LAMB4: variants seen among roughly 807,000 people sequenced by gnomAD.
LAMB4 encodes the protein laminin subunit beta-4.
LAMB4 carries 196 observed loss-of-function variants against 199.2 expected under a neutral mutation model. The observed-to-expected ratio is 0.98, with a 90% CI of 0.88 to 1.11. The LOEUF (loss-of-function observed/expected upper bound fraction) is 1.11, where lower values mean the gene tolerates loss of function less well. Among genes scored for constraint, LAMB4 ranks in the 50% least tolerant of loss-of-function variants. The pLI is 0.00. For missense variants in LAMB4, 2,080 were observed against 2,171.2 expected, an observed-to-expected ratio of 0.96 and a Z score of 0.83; for synonymous variants, 744 against 770.6, an observed-to-expected ratio of 0.97 and a Z score of 0.57.
chr7:108,105,902 C>G lies in LAMB4; in HGVS notation c.785G>C (p.Arg262Pro). The G allele has an allele frequency of 6.2e-7, 1 of 1,614,188 alleles. No homozygotes were observed. Among genetic ancestry groups the G allele is most frequent in the South Asian group, 1.1e-5 (1 of 91,082 alleles). Residue 262 changes from arginine (R) to proline (P), a missense_variant, in exon 8 of 34, where the codon CGG (arginine) becomes CCG (proline). Physicochemically the swap from Arg to Pro is moderately radical, Grantham distance 103. Transcript: ENST00000388781. ...YYYALYEMIV[R>P]GSCFCNGHAS... ...ATGGCCATTGCAAAAGCAGCTTCCC[C>G]GAACAATCATCTCGTACAGAGCATA...
At position 108,034,336 on chromosome 7, in the gene LAMB4, TTGC is replaced by T. The variant is rs1563032624; in HGVS notation, c.4687_4689del (p.Ala1563del). 1 of 1,608,812 alleles carries T rather than the reference TTGC, an allele frequency of 6.2e-7. No homozygotes were observed. ...GTTTTGTCAAGATTTAATAGAATAT[TTGC>T]TGCTTTCCTAAGGTAAGATATTAAC... is the stretch of plus-strand genomic sequence containing the variant. On this transcript the variant is annotated inframe_deletion, in exon 31 of 34. Coordinates refer to ENST00000388781, the MANE Select transcript of LAMB4 (RefSeq NM_007356.3).
intron 6 of LAMB4, 27 bp from the exon 7 acceptor site, chr7:108,106,599 T>C (rs2038023444): frequency 1.6e-6 from 2 of 1,250,666 alleles, no homozygotes; most frequent in Non-Finnish European, 2.3e-6. Context: ...GATACATTTA[T>C]AGTATATTAC....
chr7:108,043,033 TTTA>T (rs1347252564), intron 29 of LAMB4, among the ~76,000 whole-genome samples: 2 of 151,668 alleles, frequency 1.3e-5, no homozygotes, highest in African/African-American at 4.9e-5. Context: ...ACTTGATTTT[TTTA>T]ATCTTTACTA....
intron 28 of LAMB4, among the ~76,000 whole-genome samples, chr7:108,045,585 T>A (rs962682767): frequency 6.6e-6 from 1 of 152,264 alleles, no homozygotes; most frequent in Non-Finnish European, 1.5e-5. Context: ...AATGATATGA[T>A]CAAGTGGCAA....
At chr7:108,057,749 T>C in intron 24 of LAMB4, 83 bp downstream of exon 24, 1 of 840,922 alleles carries the variant, frequency 1.2e-6, no homozygotes, top group Non-Finnish European at 2.0e-6. Context: ...AAAAAGAAAT[T>C]TAAAATTCAG....
chr7:108,100,598 G>A (rs1436187942), intron 10 of LAMB4, among the ~76,000 whole-genome samples: 1 of 152,054 alleles, frequency 6.6e-6, no homozygotes, highest in African/African-American at 2.4e-5. Context: ...AAGCACTATC[G>A]AGTTAATACT....
At chr7:108,027,230 G>A (rs1037119793) in intron 33 of LAMB4, among the ~76,000 whole-genome samples, 1 of 151,660 alleles carries the variant, frequency 6.6e-6, no homozygotes, top group Admixed American at 6.6e-5. Flanking sequence ...GCACGGAGGT[G>A]TTGAATGCAA....
At position 108,107,829 on chromosome 7, in the gene LAMB4, AT is replaced by A; in HGVS notation, c.403-11del. Reference sequence around the variant, plus strand: ...CAGCAGGCCGAAAAGTCTAGGAAAAATGAGTAAAAGTTGGCACATTTCACAA... The same window carrying A: ...CAGCAGGCCGAAAAGTCTAGGAAAAAGAGTAAAAGTTGGCACATTTCACAA... On this transcript the variant is annotated splice_polypyrimidine_tract_variant and intron_variant, in intron 5 of 33. Transcript: ENST00000388781. 6.4e-7 allele frequency: 1 copy of A among 1,569,264 alleles called. No individual in the cohort carries two copies. Among genetic ancestry groups the A allele is most frequent in the East Asian group, 2.3e-5 (1 of 43,500 alleles).
downstream of LAMB4, among the ~76,000 whole-genome samples, chr7:108,018,833 A>T (rs2034635326): frequency 6.6e-6 from 1 of 152,108 alleles, no homozygotes; most frequent in South Asian, 2.1e-4. Flanking sequence ...GGGATGCTGT[A>T]TTATCTTTTA....
intron 26 of LAMB4, among the ~76,000 whole-genome samples, chr7:108,051,742 G>A (rs891768319): frequency 3.3e-5 from 5 of 151,798 alleles, no homozygotes; most frequent in East Asian, 1.9e-4. Flanking sequence ...GGCCTATACC[G>A]AGAAAGGCAT....
At chr7:108,106,134 C>T (rs1357954904) in intron 7 of LAMB4, 103 bp from the exon 8 acceptor site, 10 of 938,928 alleles carry the variant, frequency 1.1e-5, no homozygotes, top group Non-Finnish European at 1.6e-5. Flanking sequence ...AAAGAGATTA[C>T]AGGCCCGGTG....
At chr7:108,014,717 T>C in the LAMB4 span, among the ~76,000 whole-genome samples, 1 of 138,994 alleles carries the variant, frequency 7.2e-6, no homozygotes, top group Non-Finnish European at 1.5e-5. Flanking sequence ...GAACTGGTTG[T>C]TGTTTTTTTT....
chr7:108,042,288 T>C (rs983430540), intron 29 of LAMB4, among the ~76,000 whole-genome samples: 1 of 152,132 alleles, frequency 6.6e-6, no homozygotes, highest in Non-Finnish European at 1.5e-5. Context: ...TTTATGCCTT[T>C]AGTTTTAATA....
At position 108,055,933 on chromosome 7, in the gene LAMB4, C is replaced by T. The variant is rs1346766138; in HGVS notation, c.3454G>A (p.Gly1152Ser). The stretch of plus-strand genomic sequence containing the variant: ...CGATCACATCTCTGGCCGCTGACAC[C>T]CTCCCGGCAGCGGCACATGCCTGTG... Reference protein sequence around the residue: ...PDTGMCRCREGVSGQRCDRCA... With the variant: ...PDTGMCRCRESVSGQRCDRCA... Residue 1152 changes from glycine (G) to serine (S), a missense_variant, in exon 25 of 34, where the codon GGT becomes AGT. Physicochemically the swap from Gly to Ser is moderately conservative, Grantham distance 56. Coordinates refer to ENST00000388781, the MANE Select transcript of LAMB4 (RefSeq NM_007356.3). 6 of 1,614,044 alleles carry T rather than the reference C, an allele frequency of 3.7e-6. No homozygotes were observed. Among genetic ancestry groups the T allele is most frequent in the Non-Finnish European group, 5.1e-6 (6 of 1,180,002 alleles).
At chr7:108,117,829 C>G (rs1479743795) in intron 2 of LAMB4, among the ~76,000 whole-genome samples, 3 of 152,184 alleles carry the variant, frequency 2.0e-5, no homozygotes, top group Non-Finnish European at 4.4e-5. Context: ...GTTGCTATGA[C>G]ATTTGTTAAC....
In LAMB4 at chr7:108,023,909, CTA is replaced by C; in HGVS notation, c.*128_*129del. On this transcript the variant is annotated 3_prime_UTR_variant, in exon 34 of 34. Transcript: ENST00000388781. ...ACCTCCAGCCACACTGAGCAGGTGTCTAATAAGGACAGGGTGTGGGGAAGGAA... is the reference window on the plus strand; with the variant it reads ...ACCTCCAGCCACACTGAGCAGGTGTCATAAGGACAGGGTGTGGGGAAGGAA... The C allele has an allele frequency of 1.6e-6, 1 of 619,856 alleles. No individual in the cohort carries two copies. The highest frequency in any genetic ancestry group is 3.6e-5 in the Admixed American group (1 of 27,572). The allele number at this position is 619,856 out of a possible 1,614,324, so 38.4% of individuals were successfully genotyped here. A position where few individuals can be genotyped will look rare whatever the true frequency, so the allele number is the denominator to read the frequency against.
rs138145271 is a variant in LAMB4 at position 108,069,817 on chromosome 7, C to A, written c.2193G>T (p.Gln731His). 3.0e-4 allele frequency: 477 copies of A among 1,614,064 alleles called. 3 individuals are homozygous for A. In the African/African-American group the frequency reaches 5.9e-3, roughly 20 times the overall value. ...FCSKQDLDEY[Q>H]LHNCVEIASA... ...AGGCAATTTCAACACAGTTGTGAAG[C>A]TGATACTCATCTAAGTCCTGCTTGC... Residue 731 changes from glutamine (Q) to histidine (H), a missense_variant, in exon 18 of 34, where the codon CAG becomes CAT. Transcript: ENST00000388781.
Position 108,043,913 on chromosome 7 carries a change from A to G in LAMB4, c.4327-17T>C. The G allele has an allele frequency of 6.3e-7, 1 of 1,593,234 alleles. No individual in the cohort carries two copies. ...ACTTTCGATCTGGAATGAGAAAAAC[A>G]CAATGAAGAATACTCGACAATATAC... On this transcript the variant is annotated splice_polypyrimidine_tract_variant and intron_variant, in intron 28 of 33. Coordinates refer to ENST00000388781, the MANE Select transcript of LAMB4 (RefSeq NM_007356.3).
At chr7:108,126,581 G>A (rs1300050705) in intron 1 of LAMB4, among the ~76,000 whole-genome samples, 24 of 1,104 alleles carry the variant, frequency 0.022, no homozygotes, top group African/African-American at 0.036. Flanking sequence ...TTTTTGAGAC[G>A]GAGTCTCGCT....
Sources: allele counts gnomAD v4.1 joint callset (sites outside exome capture counted in the v4.1 genomes callset), GRCh38; gene constraint gnomAD v4.1.1; transcripts MANE v1.5; gene names NCBI Gene and HGNC (gene_info 2026-07-23, HGNC 2026-07-21).